ITSN2: variants seen among roughly 807,000 people sequenced by gnomAD.
ITSN2 encodes intersectin-2.
Under a neutral mutation model 243.7 loss-of-function variants are expected in ITSN2, and 156 were observed. That is an observed-to-expected ratio of 0.64 (90% CI 0.56 to 0.73). The LOEUF is 0.73. Ranked by LOEUF, ITSN2 falls within the 30% of genes least tolerant of loss-of-function variation. The pLI is 0.00. For missense variants in ITSN2, 1,801 were observed against 1,996.1 expected, an observed-to-expected ratio of 0.90 and a Z score of 1.86; for synonymous variants, 703 against 699.9, an observed-to-expected ratio of 1.00 and a Z score of -0.07.
intron 17 of ITSN2, among the ~76,000 whole-genome samples, chr2:24,279,451 G>A (rs1678465904): frequency 6.6e-6 from 1 of 152,098 alleles, no homozygotes; most frequent in Non-Finnish European, 1.5e-5. Flanking sequence ...AAGTAATTTT[G>A]TTTTTTCACA....
At chr2:24,316,326 G>A (rs1446695214) in intron 2 of ITSN2, among the ~76,000 whole-genome samples, 2 of 152,088 alleles carry the variant, frequency 1.3e-5, no homozygotes, top group Admixed American at 1.3e-4. Context: ...CTGTCACCAG[G>A]CTGGAGAGCA....
chr2:24,307,046 T>C (rs748116106), intron 8 of ITSN2, among the ~76,000 whole-genome samples: 2 of 152,158 alleles, frequency 1.3e-5, no homozygotes, highest in African/African-American at 2.4e-5. Flanking sequence ...CCTCATGATC[T>C]GTCTGCCCCA....
chr2:24,340,630 G>C (rs372152240), intron 1 of ITSN2, among the ~76,000 whole-genome samples: 2 of 152,060 alleles, frequency 1.3e-5, no homozygotes, highest in South Asian at 4.1e-4. Context: ...CCATAGATTC[G>C]TTCTGTCTGC....
chr2:24,203,776 C>G lies in ITSN2; in HGVS notation c.4944G>C (p.Leu1648=). 6.2e-7 allele frequency: 1 copy of G among 1,613,324 alleles called. No homozygotes were observed. The highest frequency in any genetic ancestry group is 8.5e-7 in the Non-Finnish European group (1 of 1,179,574). The change falls in exon 40 of 40, where the codon CTG becomes CTC. Residue 1648 remains leucine, a synonymous_variant. Transcript: ENST00000355123. The part of the protein sequence containing the change: ...DRDQFSPDDF[L]GRTEIPVAKI... ...TTGCCACTGGAATTTCAGTACGACC[C>G]AGGAAATCTGGTGAATAAACACAGG...
In ITSN2 at chr2:24,310,624, A is replaced by G. The variant is rs759244028; in HGVS notation, c.421T>C (p.Ser141Pro). 2.5e-6 allele frequency: 4 copies of G among 1,614,068 alleles called. No homozygotes were observed. The highest frequency in any genetic ancestry group is 3.3e-5 in the Admixed American group (2 of 60,006). Residue 141 changes from serine to proline, a missense_variant, in exon 6 of 40, where the codon TCT becomes CCT. Physicochemically the swap from Ser to Pro is moderately conservative, Grantham distance 74 (BLOSUM62 -1). Transcript: ENST00000355123. ...AGGTTGGTCCCTGAAGTCGCAGAAG[A>G]CAATGATGTTATAGGTGCAGCTGGA... ...LPPAAPITSL[S>P]SATSGTNLPP...
intron 29 of ITSN2, among the ~76,000 whole-genome samples, chr2:24,229,003 G>C (rs533742108): frequency 7.2e-5 from 11 of 152,084 alleles, no homozygotes; most frequent in Admixed American, 2.0e-4. Context: ...TGAGATGGTA[G>C]AAACATTCAC....
chr2:24,274,691 A>T (rs1455985044), intron 18 of ITSN2, among the ~76,000 whole-genome samples: 1 of 152,202 alleles, frequency 6.6e-6, no homozygotes, highest in African/African-American at 2.4e-5. Flanking sequence ...CACAGCCAAC[A>T]ATAGCCACTC....
At position 24,249,104 on chromosome 2, in the gene ITSN2, C is replaced by T. The variant is rs1673780069; in HGVS notation, c.3121-222G>A. Reference sequence around the variant, plus strand: ...AATGTAATACATTATATACGAGTGGCTGTCATCGTCAACCATTGACTCAAC... The same window carrying T: ...AATGTAATACATTATATACGAGTGGTTGTCATCGTCAACCATTGACTCAAC... On this transcript the variant is annotated intron_variant, in intron 25 of 39. Transcript: ENST00000355123. This position sits in a 1 kb window ranked among gnomAD's most constrained non-coding sequence, Gnocchi z 4.4. 6.6e-6 allele frequency among the ~76,000 whole-genome samples: 1 copy of T among 152,176 alleles called. No individual in the cohort carries two copies. Among genetic ancestry groups the T allele is most frequent in the Non-Finnish European group, 1.5e-5 (1 of 68,016 alleles).
chr2:24,301,157 G>T lies in ITSN2; in HGVS notation c.1078C>A (p.Pro360Thr). 1.3e-6 allele frequency: 2 copies of T among 1,578,840 alleles called. No individual in the cohort carries two copies. Among genetic ancestry groups the T allele is most frequent in the East Asian group, 2.2e-5 (1 of 44,568 alleles). The change falls in exon 11 of 40, where the codon CCA becomes ACA. Residue 360 changes from proline (P) to threonine (T), a missense_variant. This residue lies in a region of ITSN2 where 787 missense variants were observed against 803.9 expected (regional missense o/e 0.98). Transcript: ENST00000355123. ...MQEEEPQKKL[P>T]VTFEDKRKAN... is the part of the protein sequence containing the mutation. ...CAACTTTGACACTCAGTGATACCTGGTAATTTCTTCTGAGGCTCCTCTTCT... is the reference window on the plus strand; with the variant it reads ...CAACTTTGACACTCAGTGATACCTGTTAATTTCTTCTGAGGCTCCTCTTCT...
At chr2:24,320,709 C>CA (rs779639911) in intron 2 of ITSN2, among the ~76,000 whole-genome samples, 20 of 135,132 alleles carry the variant, frequency 1.5e-4, no homozygotes, top group Non-Finnish European at 2.7e-4. Context: ...CCTGTCTCAA[C>CA]AAAAAACAAA....
intron 20 of ITSN2, among the ~76,000 whole-genome samples, chr2:24,264,862 T>G (rs939633119): frequency 7.1e-6 from 1 of 141,278 alleles, no homozygotes; most frequent in Non-Finnish European, 1.6e-5. Context: ...GATTTCCAAC[T>G]TTGTTCCCTT....
At position 24,204,479 on chromosome 2, in the gene ITSN2, G is replaced by A. The variant is rs1668636909; in HGVS notation, c.4763-61C>T. The A allele has an allele frequency of 3.4e-6, 5 of 1,463,894 alleles. No individual in the cohort carries two copies. The South Asian group carries it at 5.7e-5, about 17-fold the overall frequency. 90.7% of individuals were successfully genotyped at this position (1,463,894 alleles called of 1,614,324 possible). ...TGCAGGTAAAACGAAGCGACTGACAGTGCCCTCCCTGAGCAGAAGCAGGAT... is the reference window on the plus strand; with the variant it reads ...TGCAGGTAAAACGAAGCGACTGACAATGCCCTCCCTGAGCAGAAGCAGGAT... On this transcript the variant is annotated intron_variant, in intron 38 of 39. Coordinates refer to ENST00000355123, the MANE Select transcript of ITSN2 (RefSeq NM_006277.3). This position sits in a 1 kb window ranked among gnomAD's most constrained non-coding sequence, Gnocchi z 5.1.
intron 20 of ITSN2, among the ~76,000 whole-genome samples, chr2:24,263,513 C>A (rs1016736843): frequency 6.6e-6 from 1 of 152,088 alleles, no homozygotes; most frequent in African/African-American, 2.4e-5. Flanking sequence ...ATCAAGATAG[C>A]CAACACTTCC....
chr2:24,244,690 T>C (rs1001563747), intron 29 of ITSN2, among the ~76,000 whole-genome samples: 3 of 152,186 alleles, frequency 2.0e-5, no homozygotes, highest in Non-Finnish European at 2.9e-5. Flanking sequence ...TCAGCAGAGC[T>C]TAAAAATGAT....
chr2:24,216,750 T>C (rs1669990932), intron 31 of ITSN2, among the ~76,000 whole-genome samples: 1 of 151,622 alleles, frequency 6.6e-6, no homozygotes, highest in Non-Finnish European at 1.5e-5. Context: ...GAGTGAGACC[T>C]TGCCTCTAAA....
At chr2:24,338,593 T>C (rs959141155) in intron 1 of ITSN2, among the ~76,000 whole-genome samples, 5 of 152,262 alleles carry the variant, frequency 3.3e-5, no homozygotes, top group Non-Finnish European at 7.3e-5. Context: ...TTATAGTTTC[T>C]GCAGTAAGAT....
chr2:24,216,625 A>G (rs1669978667), intron 31 of ITSN2, among the ~76,000 whole-genome samples: 1 of 152,100 alleles, frequency 6.6e-6, no homozygotes, highest in Admixed American at 6.6e-5. Flanking sequence ...ATGGTGGTGC[A>G]CGCCTGTAGT....
At chr2:24,222,252 CAAAAAAAAAAAAA>C (rs549424233) in intron 29 of ITSN2, among the ~76,000 whole-genome samples, 2 of 64,974 alleles carry the variant, frequency 3.1e-5, no homozygotes, top group Admixed American at 2.1e-4. Flanking sequence ...ACTTCATCTC[CAAAAAAAAAAAAA>C]AAAAAAAAAG....
intron 25 of ITSN2, among the ~76,000 whole-genome samples, chr2:24,251,709 G>A (rs1325274455): frequency 6.7e-6 from 1 of 149,394 alleles, no homozygotes; most frequent in African/African-American, 2.5e-5. Flanking sequence ...TGATAAATAC[G>A]GCTGTTTTTC....
Sources: gnomAD v4.1 joint callset for allele counts (sites outside exome capture counted in the v4.1 genomes callset) on GRCh38, gnomAD v4.1.1 for gene constraint, gnomAD v4.1.1 regional missense constraint, Gnocchi (gnomAD v3.1) non-coding constraint, MANE v1.5 for transcripts, NCBI Gene and HGNC (gene_info 2026-07-23, HGNC 2026-07-21) for gene names.